AGTPBP1: variants seen among roughly 807,000 people sequenced by gnomAD.
AGTPBP1 encodes ATP/GTP binding carboxypeptidase 1, also known as cytosolic carboxypeptidase 1.
In AGTPBP1, 70 loss-of-function variants were observed where a neutral mutation model predicts 143.9. The observed-to-expected ratio is 0.49, with a 90% CI of 0.40 to 0.59. The LOEUF (loss-of-function observed/expected upper bound fraction) is 0.59, where lower values mean the gene tolerates loss of function less well. Ranked by LOEUF, AGTPBP1 falls within the 20% of genes least tolerant of loss-of-function variation. The pLI, the probability that AGTPBP1 is intolerant of heterozygous loss-of-function variation, is 0.00. For missense variants in AGTPBP1, 1,229 were observed against 1,464.5 expected (o/e 0.84, Z 2.62); for synonymous variants, 463 against 500.2 (o/e 0.93, Z 0.99).
At chr9:85,737,464 G>C (rs1370272145) in intron 1 of AGTPBP1, among the ~76,000 whole-genome samples, 1 of 152,140 alleles carries the variant, frequency 6.6e-6, no homozygotes, top group Non-Finnish European at 1.5e-5. Flanking sequence ...TAAAATTTGA[G>C]CTTTCAAGCA....
chr9:85,604,418 C>G (rs929978859), intron 17 of AGTPBP1, among the ~76,000 whole-genome samples: 1 of 152,136 alleles, frequency 6.6e-6, no homozygotes, highest in African/African-American at 2.4e-5. Context: ...AGGCTTGGGT[C>G]CCCCCTAATG....
chr9:85,629,001 CA>C (rs1389695471), intron 14 of AGTPBP1, among the ~76,000 whole-genome samples: 1 of 152,188 alleles, frequency 6.6e-6, no homozygotes, highest in Non-Finnish European at 1.5e-5. Context: ...AGGCATGAGC[CA>C]CCACGCCCAG....
chr9:85,552,549 T>G (rs1390034258), intron 25 of AGTPBP1, among the ~76,000 whole-genome samples: 2 of 152,204 alleles, frequency 1.3e-5, no homozygotes, highest in Non-Finnish European at 2.9e-5. Flanking sequence ...ACCAGTTGTA[T>G]GACCCAGAAC....
intron 9 of AGTPBP1, among the ~76,000 whole-genome samples, chr9:85,659,956 T>C (rs1833754491): frequency 6.6e-6 from 1 of 152,126 alleles, no homozygotes; most frequent in South Asian, 2.1e-4. Flanking sequence ...GTGTCATACA[T>C]TTCATTCGAA....
Position 85,592,639 on chromosome 9 carries a change from G to A in AGTPBP1, c.2489C>T (p.Thr830Ile), listed in dbSNP as rs1829044371. ...GQKGKSYYTI[T>I]FTVNFPHKDD... ...TTTATGTGGAAAATTGACAGTAAAT[G>A]TAATTGTATAGTAGGATTTTCCCTT... The change falls in exon 19 of 26, where the codon ACA becomes ATA. Residue 830 changes from threonine (T) to isoleucine (I), a missense_variant. Around this residue, in one of 2 missense-constraint regions of AGTPBP1, gnomAD observed 486 missense variants for 652.3 expected, o/e 0.75. Coordinates refer to ENST00000357081, the MANE Select transcript of AGTPBP1 (RefSeq NM_001330701.2). 1 of 1,612,344 alleles carries A rather than the reference G, an allele frequency of 6.2e-7. No individual in the cohort carries two copies. The highest frequency in any genetic ancestry group is 8.5e-7 in the Non-Finnish European group (1 of 1,179,222).
At chr9:85,686,952 T>A (rs955602230) in intron 3 of AGTPBP1, among the ~76,000 whole-genome samples, 1 of 152,126 alleles carries the variant, frequency 6.6e-6, no homozygotes, top group African/African-American at 2.4e-5. Context: ...CTCAGACTAG[T>A]TAAGAAGCAA....
the AGTPBP1 span, chr9:85,756,143 G>C: frequency 5.6e-6 from 9 of 1,612,746 alleles, no homozygotes; most frequent in Non-Finnish European, 7.6e-6. Context: ...CCAAGAATTA[G>C]AGGAGCTGGA....
chr9:85,674,071 C>T (rs138087610), intron 6 of AGTPBP1, among the ~76,000 whole-genome samples: 2,480 of 146,776 alleles, frequency 0.017, 26 homozygotes, highest in Middle Eastern at 0.055. Context: ...TGCAGTGAGC[C>T]GAGATCGTAC....
the AGTPBP1 span, among the ~76,000 whole-genome samples, chr9:85,802,883 C>G: frequency 2.0e-5 from 3 of 152,222 alleles, no homozygotes; most frequent in African/African-American, 7.2e-5. Context: ...AAGTAAACGC[C>G]TTGGCCTGAC....
chr9:85,741,777 G>T lies in AGTPBP1; in HGVS notation c.-36C>A. The T allele has an allele frequency of 1.5e-6, 2 of 1,343,300 alleles. No individual in the cohort carries two copies. Among genetic ancestry groups the T allele is most frequent in the Non-Finnish European group, 1.9e-6 (2 of 1,049,408 alleles). 83.2% of individuals were successfully genotyped at this position (1,343,300 alleles called of 1,614,324 possible). On this transcript the variant is annotated splice_region_variant and 5_prime_UTR_variant, in exon 1 of 26. Coordinates refer to ENST00000357081, the MANE Select transcript of AGTPBP1 (RefSeq NM_001330701.2). ...GAGGACTGCAGCAGGGCGCTCACCG[G>T]CTCAGGATGGGGCGCTGGCGGGGAC...
chr9:85,759,866 C>T, the AGTPBP1 span, among the ~76,000 whole-genome samples: 6 of 151,904 alleles, frequency 3.9e-5, no homozygotes, highest in Non-Finnish European at 5.9e-5. Context: ...ACTGACAGAC[C>T]GCTGGCAAGA....
chr9:85,642,389 C>T (rs1191976698), intron 13 of AGTPBP1, among the ~76,000 whole-genome samples: 3 of 151,642 alleles, frequency 2.0e-5, no homozygotes, highest in East Asian at 1.9e-4. Context: ...AGTGTAATGG[C>T]GAGATCTCGG....
Position 85,589,642 on chromosome 9 carries a change from G to C in AGTPBP1, c.2608C>G (p.Gln870Glu), listed in dbSNP as rs768959403. Reference protein sequence around the residue: ...QKLESAHNPQQIYFRKDVLCE... With the variant: ...QKLESAHNPQEIYFRKDVLCE... ...AACACATCTTTCCGAAAATAGATTT[G>C]CTGAGGATTGTGTGCTGATTCCAAT... The change falls in exon 20 of 26, where the codon CAA (glutamine) becomes GAA (glutamate). Residue 870 changes from glutamine (Q) to glutamate (E), a missense_variant. Transcript: ENST00000357081. The C allele has an allele frequency of 1.9e-6, 3 of 1,612,748 alleles. No homozygotes were observed. In the African/African-American group the frequency reaches 4.0e-5, roughly 22 times the overall value.
chr9:85,573,580 A>G (rs1285750567), intron 25 of AGTPBP1, among the ~76,000 whole-genome samples: 3 of 141,904 alleles, frequency 2.1e-5, no homozygotes, highest in African/African-American at 8.1e-5. Context: ...CTGGGATGTG[A>G]GGAGCCCCTC....
chr9:85,770,849 C>G, the AGTPBP1 span, among the ~76,000 whole-genome samples: 1 of 151,936 alleles, frequency 6.6e-6, no homozygotes, highest in Non-Finnish European at 1.5e-5. Flanking sequence ...AAGGGCCCTC[C>G]AAGTTTTGAT....
the AGTPBP1 span, among the ~76,000 whole-genome samples, chr9:85,773,389 A>G: frequency 8.3e-6 from 1 of 121,174 alleles, no homozygotes; most frequent in African/African-American, 3.5e-5. Context: ...CTGGAGTGCA[A>G]TGGGGCGATC....
At position 85,649,669 on chromosome 9, in the gene AGTPBP1, T is replaced by A. The variant is rs571901940; in HGVS notation, c.1088-3251A>T. 9.2e-5 allele frequency among the ~76,000 whole-genome samples: 14 copies of A among 152,276 alleles called. No homozygotes were observed. In the East Asian group the frequency reaches 2.1e-3, roughly 23 times the overall value. On this transcript the variant is annotated intron_variant, in intron 11 of 25. Coordinates refer to ENST00000357081, the MANE Select transcript of AGTPBP1 (RefSeq NM_001330701.2). The stretch of plus-strand genomic sequence containing the variant: ...TTTCATTACTATTTATGATGTTGGC[T>A]ATTGATTTGAGCTAGATAATACTTA...
intron 8 of AGTPBP1, among the ~76,000 whole-genome samples, chr9:85,667,370 A>C (rs539422025): frequency 6.6e-6 from 1 of 152,160 alleles, no homozygotes; most frequent in Non-Finnish European, 1.5e-5. Context: ...GTAAAGTCAA[A>C]TCAAATAGTT....
intron 14 of AGTPBP1, 131 bp from the exon 15 acceptor site, chr9:85,621,416 T>C: frequency 7.8e-6 from 3 of 385,880 alleles, no homozygotes; most frequent in Admixed American, 4.6e-5. Context: ...CCTCTATCTA[T>C]ATATTTTGCA....
Sources: gnomAD v4.1 joint callset for allele counts (sites outside exome capture counted in the v4.1 genomes callset) on GRCh38, gnomAD v4.1.1 for gene constraint, gnomAD v4.1.1 regional missense constraint, MANE v1.5 for transcripts, NCBI Gene and HGNC (gene_info 2026-07-23, HGNC 2026-07-21) for gene names.